The following NRXN1 variants were observed in gnomAD, a reference collection of about 807,000 sequenced individuals.
The protein encoded by NRXN1 is neurexin-1.
A neutral mutation model predicts 150.9 loss-of-function variants in NRXN1; 39 were observed. The observed-to-expected ratio is 0.26, with a 90% confidence interval of 0.20 to 0.34. The LOEUF (loss-of-function observed/expected upper bound fraction) is 0.34, where lower values mean the gene tolerates loss of function less well. Ranked by LOEUF, NRXN1 falls within the 10% of genes least tolerant of loss-of-function variation. The pLI is 1.00. For synonymous variants in NRXN1, 924 were observed against 757.0 expected (o/e 1.22, Z -3.62); for missense variants, 1,815 against 1,949.9 (o/e 0.93, Z 1.30).
intron 8 of NRXN1, among the ~76,000 whole-genome samples, chr2:50,609,986 G>C (rs1351073590): frequency 6.6e-6 from 1 of 152,042 alleles, no homozygotes; most frequent in Non-Finnish European, 1.5e-5. Context: ...CGGAATAAGA[G>C]TATTATTTTC....
intron 17 of NRXN1, among the ~76,000 whole-genome samples, chr2:50,415,989 A>G (rs1397542274): frequency 1.3e-5 from 2 of 149,898 alleles, no homozygotes; most frequent in Non-Finnish European, 3.0e-5. Flanking sequence ...GACTAGTACC[A>G]TTGATTTGTT....
intron 17 of NRXN1, among the ~76,000 whole-genome samples, chr2:50,251,543 A>G (rs536901449): frequency 1.1e-4 from 16 of 152,172 alleles, no homozygotes; most frequent in African/African-American, 3.6e-4. Context: ...TTGGGTATAT[A>G]CCCAGTAGTA....
intron 5 of NRXN1, among the ~76,000 whole-genome samples, chr2:50,735,204 C>T (rs1452056810): frequency 6.6e-6 from 1 of 152,094 alleles, no homozygotes; most frequent in South Asian, 2.1e-4. Context: ...ACATATTTGT[C>T]TCTCTGGATA....
At chr2:51,002,216 A>C (rs971582951) in intron 2 of NRXN1, among the ~76,000 whole-genome samples, 1 of 151,978 alleles carries the variant, frequency 6.6e-6, no homozygotes, top group African/African-American at 2.4e-5. Context: ...TGTTATAGGA[A>C]CTTCAACCAT....
intron 2 of NRXN1, among the ~76,000 whole-genome samples, chr2:50,997,937 T>G (rs1447929242): frequency 1.4e-5 from 2 of 141,406 alleles, no homozygotes; most frequent in Non-Finnish European, 3.0e-5. Flanking sequence ...TATTTTGAAG[T>G]GCCATGATGA....
intron 5 of NRXN1, among the ~76,000 whole-genome samples, chr2:50,700,718 T>C (rs562040334): frequency 0.068 from 485 of 7,120 alleles, 4 homozygotes; most frequent in African/African-American, 0.22. Context: ...ATTTATTGAT[T>C]TGCTCATTCT....
intron 18 of NRXN1, among the ~76,000 whole-genome samples, chr2:50,229,461 T>C (rs1416304302): frequency 6.6e-6 from 1 of 152,078 alleles, no homozygotes; most frequent in African/African-American, 2.4e-5. Flanking sequence ...CATCAATCTA[T>C]ATTGTGTTTA....
intron 17 of NRXN1, among the ~76,000 whole-genome samples, chr2:50,353,155 T>C (rs1367860818): frequency 6.6e-6 from 1 of 152,156 alleles, no homozygotes; most frequent in Non-Finnish European, 1.5e-5. Flanking sequence ...TGTGTTTAGC[T>C]CTGAAATATT....
chr2:49,946,553 T>G (rs1376128852), intron 21 of NRXN1, among the ~76,000 whole-genome samples: 1 of 152,134 alleles, frequency 6.6e-6, no homozygotes, highest in African/African-American at 2.4e-5. Flanking sequence ...TTGAGTTAAT[T>G]TTTGTATAAG....
chr2:50,021,398 G>T (rs941215574), intron 21 of NRXN1, among the ~76,000 whole-genome samples: 1 of 152,196 alleles, frequency 6.6e-6, no homozygotes, highest in South Asian at 2.1e-4. Context: ...TGGAAAATGC[G>T]TAGACACAAA....
intron 21 of NRXN1, among the ~76,000 whole-genome samples, chr2:49,965,651 T>A (rs566689620): frequency 1.3e-5 from 2 of 152,236 alleles, no homozygotes; most frequent in East Asian, 1.9e-4. Flanking sequence ...ACTTTCACAC[T>A]GATAGAAAAA....
At chr2:49,976,096 C>T (rs7563039) in intron 21 of NRXN1, among the ~76,000 whole-genome samples, 69,945 of 147,736 alleles carry the variant, frequency 0.47, 17,131 homozygotes, top group Middle Eastern at 0.63. Context: ...GATCTAGACT[C>T]ACTGCAACCT....
intron 18 of NRXN1, among the ~76,000 whole-genome samples, chr2:50,098,861 T>TGG (rs1700629830): frequency 8.9e-5 from 3 of 33,642 alleles, no homozygotes; most frequent in African/African-American, 3.3e-4. Flanking sequence ...TTTTTTTTTT[T>TGG]TTTTTTTTTT....
intron 16 of NRXN1, among the ~76,000 whole-genome samples, chr2:50,467,636 T>C (rs1156812964): frequency 1.3e-5 from 2 of 151,380 alleles, no homozygotes; most frequent in South Asian, 2.1e-4. Context: ...AACCATGATA[T>C]TGTAAATCTT....
intron 17 of NRXN1, among the ~76,000 whole-genome samples, chr2:50,267,248 T>C (rs2069005381): frequency 6.6e-6 from 1 of 152,218 alleles, no homozygotes; most frequent in African/African-American, 2.4e-5. Context: ...CTTTGACCAA[T>C]GGTGAATGAA....
intron 17 of NRXN1, among the ~76,000 whole-genome samples, chr2:50,420,719 T>G (rs2083917855): frequency 1.3e-5 from 2 of 152,096 alleles, no homozygotes; most frequent in Non-Finnish European, 2.9e-5. Flanking sequence ...TTGTTCGTAA[T>G]TTCCTTGTTC....
intron 18 of NRXN1, among the ~76,000 whole-genome samples, chr2:50,200,100 T>C (rs2062051860): frequency 6.6e-6 from 1 of 152,152 alleles, no homozygotes; most frequent in Non-Finnish European, 1.5e-5. Flanking sequence ...TTTATGAATG[T>C]ACAATCTACT....
At chr2:50,578,748 T>G (rs1371237772) in intron 8 of NRXN1, among the ~76,000 whole-genome samples, 3 of 152,014 alleles carry the variant, frequency 2.0e-5, no homozygotes, top group African/African-American at 7.2e-5. Context: ...ATTTATATTC[T>G]AGATCTAGAT....
chr2:50,218,584 C>T (rs1201953004), intron 18 of NRXN1, among the ~76,000 whole-genome samples: 1 of 151,568 alleles, frequency 6.6e-6, no homozygotes, highest in Non-Finnish European at 1.5e-5. Flanking sequence ...CACCACATAC[C>T]CACGGTTTTG....
Sources: allele counts gnomAD v4.1 joint callset (sites outside exome capture counted in the v4.1 genomes callset), GRCh38; gene constraint gnomAD v4.1.1; transcripts MANE v1.5; gene names NCBI Gene and HGNC (gene_info 2026-07-23, HGNC 2026-07-21).